Variants in CFAP61 observed in about 807,000 individuals in gnomAD.
CFAP61 encodes cilia and flagella associated protein 61.
In CFAP61, 107 loss-of-function variants were observed where a neutral mutation model predicts 135.6. That is an observed-to-expected ratio of 0.79 (90% CI 0.67 to 0.93). The LOEUF (loss-of-function observed/expected upper bound fraction) is 0.93, where lower values mean the gene tolerates loss of function less well. Ranked by LOEUF, CFAP61 falls within the 40% of genes least tolerant of loss-of-function variation. The pLI is 0.00. For missense variants in CFAP61, 1,507 were observed against 1,556.2 expected (o/e 0.97, Z 0.53); for synonymous variants, 575 against 578.5 (o/e 0.99, Z 0.09).
Position 20,297,980 on chromosome 20 carries a change from T to C in CFAP61, c.3217-201T>C, listed in dbSNP as rs2055771879. Among the ~76,000 whole-genome samples, 5 of 152,208 alleles carry C rather than the reference T, an allele frequency of 3.3e-5. No individual in the cohort carries two copies. In the South Asian group the frequency reaches 1.0e-3, roughly 31 times the overall value. On this transcript the variant is annotated intron_variant, in intron 24 of 26. Coordinates refer to ENST00000245957, the MANE Select transcript of CFAP61 (RefSeq NM_015585.4). ...AGGCAATCACAGTTTTAAATATCCTTGTAGTCCCTGAGTCCAAGTATGTGG... is the reference window on the plus strand; with the variant it reads ...AGGCAATCACAGTTTTAAATATCCTCGTAGTCCCTGAGTCCAAGTATGTGG...
intron 17 of CFAP61, among the ~76,000 whole-genome samples, chr20:20,212,043 A>G (rs548541958): frequency 6.6e-6 from 1 of 152,326 alleles, no homozygotes; most frequent in African/African-American, 2.4e-5. Context: ...GTCCCATAGA[A>G]TTATATATCA....
chr20:20,261,571 C>T (rs1360841542), intron 20 of CFAP61, among the ~76,000 whole-genome samples: 2 of 152,158 alleles, frequency 1.3e-5, no homozygotes, highest in African/African-American at 2.4e-5. Flanking sequence ...GTCAGAGGGA[C>T]CAAGTGGTGG....
intron 21 of CFAP61, among the ~76,000 whole-genome samples, chr20:20,263,464 G>A (rs2052435833): frequency 7.6e-6 from 1 of 130,852 alleles, no homozygotes; most frequent in Non-Finnish European, 1.7e-5. Context: ...CAATTATATG[G>A]AAAATATGTC....
intron 9 of CFAP61, among the ~76,000 whole-genome samples, chr20:20,154,470 A>T (rs2052713701): frequency 6.6e-6 from 1 of 152,090 alleles, no homozygotes; most frequent in African/African-American, 2.4e-5. Context: ...GGACTCATCC[A>T]AAAAGCTCCT....
At chr20:20,298,426 T>C in intron 25 of CFAP61, 40 bp downstream of exon 25, 2 of 1,509,836 alleles carry the variant, frequency 1.3e-6, no homozygotes, top group East Asian at 2.3e-5. Flanking sequence ...GAAATACAAA[T>C]ATATATATAA....
intron 2 of CFAP61, among the ~76,000 whole-genome samples, chr20:20,061,178 C>G (rs888188274): frequency 2.6e-5 from 4 of 151,922 alleles, no homozygotes; most frequent in African/African-American, 9.7e-5. Context: ...GAGATGATAA[C>G]TTCTGATCTA....
Position 20,070,873 on chromosome 20 carries a change from G to A in CFAP61, c.163G>A (p.Val55Ile), listed in dbSNP as rs1454933998. ...CTGCAGAGAAAAGGCCAACCTTGCT[G>A]TTACCCTCTGCAATGACAAGGAGGA... ...IYLLEKANLA[V>I]TLCNDKEEIM... is the part of the protein sequence containing the mutation. Residue 55 changes from valine to isoleucine, a missense_variant, in exon 3 of 27, where the codon GTT (valine) becomes ATT (isoleucine). Val to Ile is a conservative substitution (Grantham distance 29). Coordinates refer to ENST00000245957, the MANE Select transcript of CFAP61 (RefSeq NM_015585.4). The A allele has an allele frequency of 3.7e-6, 6 of 1,613,506 alleles. No homozygotes were observed. In the South Asian group the frequency reaches 6.6e-5, roughly 18 times the overall value.
At chr20:20,079,704 T>G (rs949704907) in intron 6 of CFAP61, among the ~76,000 whole-genome samples, 15 of 152,220 alleles carry the variant, frequency 9.9e-5, no homozygotes, top group Admixed American at 2.0e-4. Flanking sequence ...AGAAAATTCC[T>G]CATATAAAAT....
At chr20:20,221,950 G>A (rs1305348259) in intron 17 of CFAP61, 2 of 152,164 alleles carry the variant, frequency 1.3e-5, no homozygotes, top group Non-Finnish European at 2.9e-5. Flanking sequence ...TGCGTATAAT[G>A]CACATGACTC....
chr20:20,222,159 A>G (rs2146937070), intron 17 of CFAP61, among the ~76,000 whole-genome samples: 1 of 152,334 alleles, frequency 6.6e-6, no homozygotes, highest in Middle Eastern at 3.4e-3. Flanking sequence ...TAGCTTCCAA[A>G]TCATTTTTCT....
chr20:20,233,949 C>T (rs1376288781), intron 18 of CFAP61, among the ~76,000 whole-genome samples: 1 of 152,150 alleles, frequency 6.6e-6, no homozygotes, highest in Admixed American at 6.5e-5. Context: ...GTAGGAAATG[C>T]ATTTTTCATG....
intron 6 of CFAP61, among the ~76,000 whole-genome samples, chr20:20,078,025 A>G (rs2046178503): frequency 1.3e-5 from 2 of 152,226 alleles, no homozygotes; most frequent in South Asian, 4.1e-4. Flanking sequence ...GGTCATTTCA[A>G]AGTATGTCAA....
intron 3 of CFAP61, among the ~76,000 whole-genome samples, chr20:20,071,447 T>C (rs2045701363): frequency 6.6e-6 from 1 of 152,172 alleles, no homozygotes; most frequent in African/African-American, 2.4e-5. Flanking sequence ...CTTGGCTTAT[T>C]TGATGTCTTC....
At chr20:20,208,597 T>C (rs1234781834) in intron 17 of CFAP61, among the ~76,000 whole-genome samples, 4 of 152,328 alleles carry the variant, frequency 2.6e-5, no homozygotes, top group South Asian at 4.1e-4. Flanking sequence ...TAGTGTCTTC[T>C]TATTATTGAG....
At position 20,242,892 on chromosome 20, in the gene CFAP61, G is replaced by A. The variant is rs138784568; in HGVS notation, c.2061-3225G>A. ...ACCTTTGGATCCCTCTGAACAATTT[G>A]AGATCTACAGGACAGTACAGGCAGA... On this transcript the variant is annotated intron_variant, in intron 18 of 26. Transcript: ENST00000245957. 5.4e-3 allele frequency among the ~76,000 whole-genome samples: 825 copies of A among 152,320 alleles called. 3 individuals are homozygous for A. Among genetic ancestry groups the A allele is most frequent in the Non-Finnish European group, 0.01 (706 of 68,020 alleles).
intron 21 of CFAP61, among the ~76,000 whole-genome samples, chr20:20,274,639 C>A (rs1224131894): frequency 1.3e-5 from 2 of 151,848 alleles, no homozygotes; most frequent in Non-Finnish European, 2.9e-5. Context: ...CCAGCCTGGG[C>A]AACAGGCGAG....
intron 9 of CFAP61, among the ~76,000 whole-genome samples, chr20:20,154,934 CAT>C (rs1177225792): frequency 6.6e-6 from 1 of 152,046 alleles, no homozygotes; most frequent in Non-Finnish European, 1.5e-5. Context: ...TCCAAAAATT[CAT>C]ATGGAGCCAT....
chr20:20,086,341 G>A (rs535867000), intron 6 of CFAP61, among the ~76,000 whole-genome samples: 2,999 of 109,752 alleles, frequency 0.027, 134 homozygotes, highest in African/African-American at 0.1. Context: ...AACAGTCCCT[G>A]GAGTGTGATG....
Position 20,098,673 on chromosome 20 carries a change from G to A in CFAP61, c.718G>A (p.Gly240Arg), listed in dbSNP as rs2047777683. 1 of 1,607,756 alleles carries A rather than the reference G, an allele frequency of 6.2e-7. No homozygotes were observed. Reference sequence around the variant, plus strand: ...ATTTCAGGTGGAAGGCACAGCTGTTGGGTTCATGAGTGTGTGCTCAAGAGT... The same window carrying A: ...ATTTCAGGTGGAAGGCACAGCTGTTAGGTTCATGAGTGTGTGCTCAAGAGT... ...VVCEVEGTAV[G>R]FMSVCSRVNM... Residue 240 changes from glycine (G) to arginine (R), a missense_variant, in exon 8 of 27, where the codon GGG becomes AGG. Coordinates refer to ENST00000245957, the MANE Select transcript of CFAP61 (RefSeq NM_015585.4).
Sources: gnomAD v4.1 joint callset for allele counts (sites outside exome capture counted in the v4.1 genomes callset) on GRCh38, gnomAD v4.1.1 for gene constraint, MANE v1.5 for transcripts, NCBI Gene and HGNC (gene_info 2026-07-23, HGNC 2026-07-21) for gene names.